GLT8D2: variants seen among roughly 807,000 people sequenced by gnomAD.
GLT8D2 encodes glycosyltransferase 8 domain-containing protein 2.
In GLT8D2, 45 loss-of-function variants were observed where a neutral mutation model predicts 44.5. The observed-to-expected ratio is 1.01, with a 90% CI of 0.80 to 1.30. The LOEUF is 1.30. Ranked by LOEUF, GLT8D2 falls within the 50% of genes most tolerant of loss-of-function variation. GLT8D2 has a pLI of 0.00. For missense variants in GLT8D2, 400 were observed against 430.4 expected (o/e 0.93, Z 0.62); for synonymous variants, 156 against 157.2 (o/e 0.99, Z 0.06).
chr12:104,045,539 G>A (rs1204956993), intron 1 of GLT8D2, among the ~76,000 whole-genome samples: 1 of 152,186 alleles, frequency 6.6e-6, no homozygotes, highest in African/African-American at 2.4e-5. Flanking sequence ...GGAAGAAAAG[G>A]AGAGTACAGA....
At chr12:104,028,981 G>A (rs1018721204) in intron 1 of GLT8D2, among the ~76,000 whole-genome samples, 1 of 152,102 alleles carries the variant, frequency 6.6e-6, no homozygotes, top group Non-Finnish European at 1.5e-5. Context: ...GCTTGATAAT[G>A]TAACAATGAA....
At chr12:104,016,717 AAGAAAGAAAGAAAG>A (rs1330298128) in intron 3 of GLT8D2, among the ~76,000 whole-genome samples, 2 of 41,266 alleles carry the variant, frequency 4.8e-5, no homozygotes, top group African/African-American at 8.5e-5. Context: ...GAGAGAAAGA[AAGAAAGAAAGAAAG>A]AAAGAAAGAA....
chr12:104,021,824 A>C (rs1301644318), intron 1 of GLT8D2, among the ~76,000 whole-genome samples: 2 of 148,092 alleles, frequency 1.4e-5, no homozygotes, highest in East Asian at 3.9e-4. Flanking sequence ...AGAAAAGAAA[A>C]GAAAGAGAGA....
chr12:104,007,838 A>T (rs1017200091), intron 4 of GLT8D2, among the ~76,000 whole-genome samples: 1 of 152,184 alleles, frequency 6.6e-6, no homozygotes, highest in African/African-American at 2.4e-5. Context: ...GGTTTTCCCC[A>T]TACTGTTCTC....
intron 1 of GLT8D2, among the ~76,000 whole-genome samples, chr12:104,033,423 G>C (rs143272170): frequency 1.6e-4 from 24 of 152,238 alleles, no homozygotes; most frequent in African/African-American, 5.5e-4. Flanking sequence ...AATACAGCAT[G>C]TTCACTTATA....
intron 1 of GLT8D2, chr12:104,030,861 C>G: frequency 6.4e-7 from 1 of 1,574,586 alleles, no homozygotes; most frequent in South Asian, 1.1e-5. Flanking sequence ...TGGTACGACG[C>G]CGACCTGAGC....
At chr12:104,057,149 T>C (rs1238484184) in intron 1 of GLT8D2, among the ~76,000 whole-genome samples, 1 of 152,170 alleles carries the variant, frequency 6.6e-6, no homozygotes, top group African/African-American at 2.4e-5. Context: ...AGGAAAAGGA[T>C]AAAGATGTTC....
intron 9 of GLT8D2, chr12:103,993,940 C>T (rs1049064914): frequency 6.2e-5 from 10 of 161,158 alleles, no homozygotes; most frequent in Non-Finnish European, 8.1e-5. Context: ...ACTCCGATAA[C>T]GAAAAATTAT....
At chr12:103,993,268 T>C in intron 10 of GLT8D2, 124 bp downstream of exon 10, 2 of 737,184 alleles carry the variant, frequency 2.7e-6, no homozygotes, top group South Asian at 1.5e-5. Flanking sequence ...GAAGCGGAGG[T>C]TCCAGTGAGC....
At chr12:103,996,360 CAGAG>C (rs1468321739) in intron 8 of GLT8D2, among the ~76,000 whole-genome samples, 4 of 152,166 alleles carry the variant, frequency 2.6e-5, no homozygotes, top group Non-Finnish European at 4.4e-5. Context: ...TCATCTCTGA[CAGAG>C]AGCATGGTGA....
intron 4 of GLT8D2, chr12:104,014,250 G>T (rs1352478476): frequency 1.4e-6 from 1 of 698,628 alleles, no homozygotes; most frequent in South Asian, 1.5e-5. Context: ...AACTTCCTGG[G>T]GTGCTGAGGC....
intron 3 of GLT8D2, among the ~76,000 whole-genome samples, chr12:104,017,377 C>A (rs980149731): frequency 3.3e-5 from 5 of 152,142 alleles, no homozygotes; most frequent in Non-Finnish European, 7.3e-5. Flanking sequence ...GGCTGGAGTG[C>A]AATGGCACAG....
chr12:104,050,851 G>A (rs1881649995), upstream of GLT8D2, among the ~76,000 whole-genome samples: 1 of 141,994 alleles, frequency 7.0e-6, no homozygotes, highest in Admixed American at 7.3e-5. Flanking sequence ...GTCTCCCTCT[G>A]TCTCCCAGGC....
At chr12:104,038,388 A>G (rs1880153801) in intron 1 of GLT8D2, among the ~76,000 whole-genome samples, 1 of 152,226 alleles carries the variant, frequency 6.6e-6, no homozygotes, top group South Asian at 2.1e-4. Context: ...TTGTGCATTT[A>G]GAAAACCCCA....
intron 4 of GLT8D2, chr12:104,012,907 A>T: frequency 1.5e-6 from 1 of 645,332 alleles, no homozygotes. Context: ...ACGTGAGGAC[A>T]CAGCAAGAAG....
chr12:104,043,110 G>A (rs1014697310), intron 1 of GLT8D2, among the ~76,000 whole-genome samples: 1 of 152,080 alleles, frequency 6.6e-6, no homozygotes, highest in Non-Finnish European at 1.5e-5. Context: ...CGGGGGACTC[G>A]GCTCACCTGC....
chr12:104,040,429 TG>T (rs1285565039), intron 1 of GLT8D2, among the ~76,000 whole-genome samples: 1 of 151,434 alleles, frequency 6.6e-6, no homozygotes, highest in Non-Finnish European at 1.5e-5. Context: ...GAAAAAAAAA[TG>T]TTTTTTTTCT....
intron 10 of GLT8D2, among the ~76,000 whole-genome samples, chr12:103,990,513 A>G (rs548071764): frequency 9.9e-5 from 15 of 152,242 alleles, no homozygotes; most frequent in South Asian, 6.2e-4. Flanking sequence ...TGAATGTACA[A>G]TTTTTTAAAA....
intron 3 of GLT8D2, among the ~76,000 whole-genome samples, chr12:104,016,774 A>AGAAAGAAG (rs1566199645): frequency 1.3e-3 from 78 of 58,346 alleles, no homozygotes; most frequent in East Asian, 3.5e-3. Context: ...AAAGAAAGAA[A>AGAAAGAAG]GAAGGAAGGA....
Sources: gnomAD v4.1 joint callset for allele counts (sites outside exome capture counted in the v4.1 genomes callset) on GRCh38, gnomAD v4.1.1 for gene constraint, MANE v1.5 for transcripts, NCBI Gene and HGNC (gene_info 2026-07-23, HGNC 2026-07-21) for gene names.